The following CEACAM20 variants were observed in gnomAD, a reference collection of about 807,000 sequenced individuals.
The protein encoded by CEACAM20 is CEA cell adhesion molecule 20.
A neutral mutation model predicts 61.2 loss-of-function variants in CEACAM20; 50 were observed. The observed-to-expected ratio is 0.82, with a 90% CI of 0.65 to 1.03. The LOEUF (loss-of-function observed/expected upper bound fraction) is 1.03. CEACAM20 is among the 50% of genes least tolerant of loss of function. CEACAM20 has a pLI of 0.00. For synonymous variants in CEACAM20, 282 were observed against 287.7 expected (o/e 0.98, Z 0.20); for missense variants, 683 against 736.4 (o/e 0.93, Z 0.84).
In CEACAM20 at chr19:44,525,213, AGCT is replaced by A; in HGVS notation, c.81_83del (p.Ala30del). 1.2e-6 allele frequency: 2 copies of A among 1,608,384 alleles called. No individual in the cohort carries two copies. Among genetic ancestry groups the A allele is most frequent in the Non-Finnish European group, 1.7e-6 (2 of 1,177,766 alleles). On this transcript the variant is annotated inframe_deletion, in exon 2 of 12. Coordinates refer to ENST00000614924, the MANE Select transcript of CEACAM20 (RefSeq NM_001102597.3). ...TGGCATTGAGGGTGAGCTGGGCTGC[AGCT>A]GGAGGACTCCATACGGTACAAAGCG... is the stretch of plus-strand genomic sequence containing the variant.
intron 1 of CEACAM20, among the ~76,000 whole-genome samples, chr19:44,528,259 T>A: frequency 6.6e-6 from 1 of 151,560 alleles, no homozygotes; most frequent in Non-Finnish European, 1.5e-5. Context: ...GACAGAGTCT[T>A]ACTCTGTCAC....
Position 44,517,083 on chromosome 19 carries a change from T to C in CEACAM20, c.1172A>G (p.His391Arg). 6.2e-7 allele frequency: 1 copy of C among 1,609,814 alleles called. No individual in the cohort carries two copies. Among genetic ancestry groups the C allele is most frequent in the Non-Finnish European group, 8.5e-7 (1 of 1,178,258 alleles). The change falls in exon 6 of 12, where the codon CAC becomes CGC. Residue 391 changes from histidine to arginine, a missense_variant. His to Arg is a conservative substitution (Grantham distance 29). Transcript: ENST00000614924. ...PGAEYRWTLE[H>R]STGEHLGEQL... ...CTCACCCAGGTGCTCCCCGGTGGAG[T>C]GTTCAAGAGTCCAGCGATACTCAGC...
intron 6 of CEACAM20, among the ~76,000 whole-genome samples, chr19:44,516,453 A>G (rs1465996723): frequency 2.6e-5 from 4 of 152,070 alleles, no homozygotes; most frequent in African/African-American, 9.7e-5. Context: ...TACTGTTCTC[A>G]TGGTAGTGAA....
chr19:44,525,529 G>A (rs563212091), intron 1 of CEACAM20, among the ~76,000 whole-genome samples: 2 of 152,098 alleles, frequency 1.3e-5, no homozygotes, highest in Non-Finnish European at 2.9e-5. Flanking sequence ...TGCAATCACT[G>A]CCTCCCAGGT....
chr19:44,520,482 G>A lies in CEACAM20; in HGVS notation c.1022C>T (p.Thr341Ile), dbSNP rs750039792. The change falls in exon 5 of 12, where the codon ACC becomes ATC. Residue 341 changes from threonine (T) to isoleucine (I), a missense_variant. Physicochemically the swap from Thr to Ile is moderately conservative, Grantham distance 89 (BLOSUM62 -1). Coordinates refer to ENST00000614924, the MANE Select transcript of CEACAM20 (RefSeq NM_001102597.3). Reference protein sequence around the residue: ...SRARSEPLELTINYGPDQVHI... With the variant: ...SRARSEPLELIINYGPDQVHI... ...GGCCCTGGGTGACTCACAGTTGATG[G>A]TCAGCTCAAGGGGCTCACTCCGGGC... 6.2e-7 allele frequency: 1 copy of A among 1,612,134 alleles called. No individual in the cohort carries two copies. Among genetic ancestry groups the A allele is most frequent in the Admixed American group, 1.7e-5 (1 of 60,010 alleles).
intron 5 of CEACAM20, among the ~76,000 whole-genome samples, chr19:44,518,735 TC>T (rs1421009903): frequency 3.3e-5 from 5 of 152,072 alleles, no homozygotes; most frequent in African/African-American, 1.2e-4. Flanking sequence ...TGCTCATTTC[TC>T]CCCATCCTGA....
Position 44,512,910 on chromosome 19 carries a change from G to A in CEACAM20, c.1471C>T (p.Gln491Ter). 6.2e-7 allele frequency: 1 copy of A among 1,613,816 alleles called. No homozygotes were observed. The highest frequency in any genetic ancestry group is 8.5e-7 in the Non-Finnish European group (1 of 1,179,832). Residue 491 changes from glutamine (Q) to a stop codon, truncating the protein, a stop_gained, in exon 8 of 12, where the codon CAA (glutamine) becomes TAA (stop). Transcript: ENST00000614924. LOFTEE classifies it high-confidence loss of function. ...TTEDPSHETSQPIPKEEHPTE... is the reference protein window; with the variant it reads ...TTEDPSHETS ...GGGTGCTCCTCCTTCGGGATGGGTT[G>A]TGAGGTCTCATGACTGGGGTCCTCT...
At chr19:44,511,258 C>G (rs1970991142) in intron 10 of CEACAM20, 103 bp from the exon 11 acceptor site, 1 of 1,457,572 alleles carries the variant, frequency 6.9e-7, no homozygotes. Context: ...GGAATCTGTT[C>G]AGGTTCTTGC....
At position 44,513,240 on chromosome 19, in the gene CEACAM20, G is replaced by A. The variant is rs758421617; in HGVS notation, c.1359C>T (p.Ile453=). 3.1e-6 allele frequency: 5 copies of A among 1,613,842 alleles called. No individual in the cohort carries two copies. Among genetic ancestry groups the A allele is most frequent in the South Asian group, 1.1e-5 (1 of 91,076 alleles). Residue 453 remains isoleucine (I), a synonymous_variant, in exon 7 of 12, where the codon ATC becomes ATT. Coordinates refer to ENST00000614924, the MANE Select transcript of CEACAM20 (RefSeq NM_001102597.3). ...CCACAGCAATGACAGCCAGGATCCC[G>A]ATGACAATACCAGCGATGGCCCCTG... ...LSSGAIAGIV[I]GILAVIAVAS... is the part of the protein sequence containing the mutation.
At chr19:44,519,709 G>A (rs1220120741) in intron 5 of CEACAM20, among the ~76,000 whole-genome samples, 3 of 152,146 alleles carry the variant, frequency 2.0e-5, no homozygotes, top group Non-Finnish European at 4.4e-5. Context: ...TTCTGGTCCA[G>A]CCCTATCATC....
chr19:44,525,249 A>G lies in CEACAM20; in HGVS notation c.53-5T>C. 1 of 1,569,290 alleles carries G rather than the reference A, an allele frequency of 6.4e-7. No individual in the cohort carries two copies. The highest frequency in any genetic ancestry group is 8.6e-7 in the Non-Finnish European group (1 of 1,160,582). On this transcript the variant is annotated splice_region_variant and splice_polypyrimidine_tract_variant and intron_variant, in intron 1 of 11. Transcript: ENST00000614924. ...TCCATACGGTACAAAGCGAGGCTACAAGGGGAGAGAGGAGGCATTCAGGGA... is the reference window on the plus strand; with the variant it reads ...TCCATACGGTACAAAGCGAGGCTACGAGGGGAGAGAGGAGGCATTCAGGGA...
intron 8 of CEACAM20, 97 bp from the exon 9 acceptor site, chr19:44,512,175 A>G (rs1971022927): frequency 1.1e-6 from 1 of 878,290 alleles, no homozygotes; most frequent in Non-Finnish European, 1.9e-6. Flanking sequence ...AAGGAAGTGC[A>G]GAAATCCTTC....
At chr19:44,512,809 C>T in intron 8 of CEACAM20, 59 bp downstream of exon 8, 1 of 1,433,080 alleles carries the variant, frequency 7.0e-7, no homozygotes, top group Non-Finnish European at 9.8e-7. Flanking sequence ...CCCCCAGCAC[C>T]AGCCTCTTCC....
Position 44,523,973 on chromosome 19 carries a change from G to A in CEACAM20, c.472+13C>T, listed in dbSNP as rs374136617. On this transcript the variant is annotated intron_variant, in intron 3 of 11. Transcript: ENST00000614924. ...TGTCAGTGAGGGGTTGGAGAGAATG[G>A]AAAGGGACTCACACTTCACATCCAG... 1.2e-4 allele frequency: 182 copies of A among 1,545,242 alleles called. No individual in the cohort carries two copies. Among genetic ancestry groups the A allele is most frequent in the Non-Finnish European group, 1.5e-4 (177 of 1,142,640 alleles).
intron 1 of CEACAM20, among the ~76,000 whole-genome samples, chr19:44,528,149 C>CTTTCT (rs71171254): frequency 9.4e-6 from 1 of 106,326 alleles, no homozygotes; most frequent in Non-Finnish European, 1.9e-5. Context: ...TCTTTCTTTT[C>CTTTCT]TTTCTTTCTT....
chr19:44,522,897 A>G lies in CEACAM20; in HGVS notation c.488T>C (p.Val163Ala). The G allele has an allele frequency of 6.2e-7, 1 of 1,604,136 alleles. No homozygotes were observed. The highest frequency in any genetic ancestry group is 1.1e-5 in the South Asian group (1 of 88,656). ...FLDVKYGPDP[V>A]EIKLESGVAS... ...AACACCAGACTCCAATTTGATTTCA[A>G]CAGGATCAGGACCATCTGAGAGGAC... Residue 163 changes from valine (V) to alanine (A), a missense_variant, in exon 4 of 12, where the codon GTT becomes GCT. Val to Ala is a moderately conservative substitution (Grantham distance 64). Coordinates refer to ENST00000614924, the MANE Select transcript of CEACAM20 (RefSeq NM_001102597.3).
chr19:44,526,532 T>A (rs1022903645), intron 1 of CEACAM20, among the ~76,000 whole-genome samples: 1 of 144,894 alleles, frequency 6.9e-6, no homozygotes, highest in African/African-American at 2.5e-5. Context: ...CACAAAAAAA[T>A]GAGTTCCCAG....
At chr19:44,516,860 C>T (rs1460644428) in intron 6 of CEACAM20, 86 bp downstream of exon 6, 2 of 1,462,078 alleles carry the variant, frequency 1.4e-6, no homozygotes, top group East Asian at 2.5e-5. Context: ...ACACTCCAGC[C>T]CTCGGTAGGG....
Position 44,520,476 on chromosome 19 carries a change from T to G in CEACAM20, c.1028A>C (p.Asn343Thr). 1 of 1,611,808 alleles carries G rather than the reference T, an allele frequency of 6.2e-7. No individual in the cohort carries two copies. The highest frequency in any genetic ancestry group is 8.5e-7 in the Non-Finnish European group (1 of 1,178,988). ...ARSEPLELTI[N>T]YGPDQVHITR... ...GGTCCAGGCCCTGGGTGACTCACAG[T>G]TGATGGTCAGCTCAAGGGGCTCACT... is the stretch of plus-strand genomic sequence containing the variant. Residue 343 changes from asparagine (N) to threonine (T), a missense_variant and splice_region_variant, in exon 5 of 12, where the codon AAC becomes ACC. By Grantham distance (65) the Asn-to-Thr change is moderately conservative. Coordinates refer to ENST00000614924, the MANE Select transcript of CEACAM20 (RefSeq NM_001102597.3).
Sources: gnomAD v4.1 joint callset for allele counts (sites outside exome capture counted in the v4.1 genomes callset) on GRCh38, gnomAD v4.1.1 for gene constraint, MANE v1.5 for transcripts, NCBI Gene and HGNC (gene_info 2026-07-23, HGNC 2026-07-21) for gene names.